The following KDM4A variants were observed in gnomAD, a reference collection of about 807,000 sequenced individuals.
KDM4A encodes lysine demethylase 4A.
A neutral mutation model predicts 127.1 loss-of-function variants in KDM4A; 23 were observed. The observed-to-expected ratio is 0.18, with a 90% CI of 0.13 to 0.26. The LOEUF (loss-of-function observed/expected upper bound fraction) is 0.26. Among genes scored for constraint, KDM4A ranks in the 10% least tolerant of loss-of-function variants. The probability of loss-of-function intolerance (pLI) is 1.00; values close to 1 mark genes in which losing one functional copy is unlikely to be tolerated. For synonymous variants in KDM4A, 443 were observed against 466.5 expected (o/e 0.95, Z 0.65); for missense variants, 890 against 1,329.1 (o/e 0.67, Z 5.14).
intron 5 of KDM4A, among the ~76,000 whole-genome samples, chr1:43,664,580 C>T (rs993941611): frequency 2.0e-5 from 3 of 152,118 alleles, no homozygotes; most frequent in Non-Finnish European, 2.9e-5. Context: ...TCAGCATCTT[C>T]AGCCATGTTC....
chr1:43,698,555 G>C (rs2154049132), intron 19 of KDM4A, among the ~76,000 whole-genome samples: 1 of 152,230 alleles, frequency 6.6e-6, no homozygotes, highest in South Asian at 2.1e-4. Flanking sequence ...GGTCTGGCTT[G>C]GTAGTGAGGA....
intron 11 of KDM4A, among the ~76,000 whole-genome samples, chr1:43,673,611 C>T (rs1272378350): frequency 6.6e-6 from 1 of 152,116 alleles, no homozygotes; most frequent in Non-Finnish European, 1.5e-5. Context: ...TTCCTCTTTC[C>T]ATCCCACTGT....
intron 7 of KDM4A, 73 bp from the exon 8 acceptor site, chr1:43,666,878 TGTG>T (rs1660511743): frequency 2.0e-6 from 3 of 1,469,556 alleles, no homozygotes; most frequent in Non-Finnish European, 1.9e-6. Context: ...TCAGCTAAGT[TGTG>T]GTGGAGCTCA....
chr1:43,652,679 CTTTT>C (rs771216218), intron 1 of KDM4A, among the ~76,000 whole-genome samples: 80 of 118,770 alleles, frequency 6.7e-4, no homozygotes, highest in African/African-American at 1.8e-3. Flanking sequence ...TTCTTTCTTT[CTTTT>C]TTTTTTTTTT....
intron 11 of KDM4A, among the ~76,000 whole-genome samples, chr1:43,680,319 G>A (rs549305860): frequency 3.3e-5 from 5 of 152,232 alleles, no homozygotes; most frequent in Admixed American, 1.3e-4. Flanking sequence ...TATTCCCACC[G>A]TATACTGGGT....
At chr1:43,684,982 G>A (rs552434764) in intron 12 of KDM4A, among the ~76,000 whole-genome samples, 4 of 152,254 alleles carry the variant, frequency 2.6e-5, no homozygotes, top group African/African-American at 7.2e-5. Flanking sequence ...GTGCCTCCCC[G>A]GTTTGTAGCT....
intron 5 of KDM4A, among the ~76,000 whole-genome samples, chr1:43,664,803 A>G (rs1168171167): frequency 6.6e-6 from 1 of 152,110 alleles, no homozygotes; most frequent in African/African-American, 2.4e-5. Context: ...TTCTCTTATA[A>G]AAGAAGGTTT....
intron 19 of KDM4A, among the ~76,000 whole-genome samples, chr1:43,700,245 A>T (rs1342687582): frequency 6.6e-6 from 1 of 152,026 alleles, no homozygotes; most frequent in Non-Finnish European, 1.5e-5. Context: ...CTGCTGCCTC[A>T]GCCTCCCAAG....
intron 3 of KDM4A, among the ~76,000 whole-genome samples, chr1:43,659,333 C>CA (rs1660318642): frequency 6.6e-6 from 1 of 151,994 alleles, no homozygotes; most frequent in African/African-American, 2.4e-5. Context: ...TTTTTTGAGA[C>CA]AGAGTTTTAC....
chr1:43,667,154 C>A, intron 8 of KDM4A, 63 bp downstream of exon 8: 1 of 1,576,938 alleles, frequency 6.3e-7, no homozygotes, highest in Non-Finnish European at 8.7e-7. Context: ...TGGTTAGATA[C>A]GTTGGCTGGT....
At chr1:43,689,130 C>A in intron 13 of KDM4A, 35 bp downstream of exon 13, 1 of 1,599,396 alleles carries the variant, frequency 6.3e-7, no homozygotes, top group Admixed American at 1.7e-5. Flanking sequence ...TTACCCAGGA[C>A]CAGCAATCAT....
chr1:43,677,198 A>G (rs1660760325), intron 11 of KDM4A, among the ~76,000 whole-genome samples: 1 of 152,154 alleles, frequency 6.6e-6, no homozygotes, highest in Admixed American at 6.5e-5. Context: ...TACAAAAATT[A>G]GCCAGGCGTG....
At chr1:43,674,618 G>A (rs543653337) in intron 11 of KDM4A, among the ~76,000 whole-genome samples, 17 of 151,818 alleles carry the variant, frequency 1.1e-4, no homozygotes, top group Admixed American at 7.9e-4. Flanking sequence ...CTGGGTTCAA[G>A]TGATTCTCGT....
At chr1:43,701,536 C>T (rs1032764644) in intron 19 of KDM4A, among the ~76,000 whole-genome samples, 2 of 152,150 alleles carry the variant, frequency 1.3e-5, no homozygotes, top group Non-Finnish European at 2.9e-5. Context: ...TGCGCAGCAC[C>T]ACTGCTGGAG....
At chr1:43,692,898 G>A (rs546316892) in intron 16 of KDM4A, among the ~76,000 whole-genome samples, 1 of 152,314 alleles carries the variant, frequency 6.6e-6, no homozygotes, top group South Asian at 2.1e-4. Flanking sequence ...AGGTGGAAAC[G>A]TAAGATGAAT....
At position 43,704,515 on chromosome 1, in the gene KDM4A, C is replaced by A. The variant is rs1661498738; in HGVS notation, c.*145C>A. 1.1e-6 allele frequency: 1 copy of A among 884,736 alleles called. No individual in the cohort carries two copies. Among genetic ancestry groups the A allele is most frequent in the Non-Finnish European group, 1.7e-6 (1 of 579,916 alleles). 54.8% of individuals were successfully genotyped at this position (884,736 alleles called of 1,614,324 possible). On this transcript the variant is annotated 3_prime_UTR_variant, in exon 22 of 22. Transcript: ENST00000372396. ...AAATAACCGACCCATCATCTTCTCACCCACCCTCATTGCATTCCGCTGTAG... is the reference window on the plus strand; with the variant it reads ...AAATAACCGACCCATCATCTTCTCAACCACCCTCATTGCATTCCGCTGTAG...
chr1:43,697,471 A>G lies in KDM4A; in HGVS notation c.2671-372A>G, dbSNP rs545660309. Among the ~76,000 whole-genome samples the G allele has an allele frequency of 1.6e-4, 25 of 152,352 alleles. No homozygotes were observed. The East Asian group carries it at 4.6e-3, about 28-fold the overall frequency. On this transcript the variant is annotated intron_variant, in intron 18 of 21. Transcript: ENST00000372396. The stretch of plus-strand genomic sequence containing the variant: ...GTGGTGCAGCTTTGCCTGGCGGCCC[A>G]GGCCTCAGGGCACCTATTGAGTCTC...
chr1:43,691,672 T>G, intron 15 of KDM4A, 100 bp downstream of exon 15: 3 of 996,082 alleles, frequency 3.0e-6, no homozygotes, highest in Non-Finnish European at 3.2e-6. Context: ...GCAGTCTGCA[T>G]AGGGTCTGGT....
intron 11 of KDM4A, among the ~76,000 whole-genome samples, chr1:43,674,099 C>A (rs534939317): frequency 6.6e-6 from 1 of 152,302 alleles, no homozygotes; most frequent in Non-Finnish European, 1.5e-5. Context: ...CACACCACCA[C>A]TCTTGGCCAA....
Sources: allele counts gnomAD v4.1 joint callset (sites outside exome capture counted in the v4.1 genomes callset), GRCh38; gene constraint gnomAD v4.1.1; transcripts MANE v1.5; gene names NCBI Gene and HGNC (gene_info 2026-07-23, HGNC 2026-07-21).